TNRC6B: variants seen among roughly 807,000 people sequenced by gnomAD.
The protein encoded by TNRC6B is trinucleotide repeat-containing gene 6B protein.
A neutral mutation model predicts 203.6 loss-of-function variants in TNRC6B; 52 were observed. That is an observed-to-expected ratio of 0.26 (90% CI 0.20 to 0.32). TNRC6B has a LOEUF of 0.32. Ranked by LOEUF, TNRC6B falls within the 10% of genes least tolerant of loss-of-function variation. TNRC6B has a pLI of 1.00. For synonymous variants in TNRC6B, 838 were observed against 845.7 expected (o/e 0.99, Z 0.16); for missense variants, 1,923 against 2,286.2 (o/e 0.84, Z 3.24).
chr22:40,214,106 A>G (rs2069600423), intron 1 of TNRC6B, among the ~76,000 whole-genome samples: 1 of 152,044 alleles, frequency 6.6e-6, no homozygotes, highest in South Asian at 2.1e-4. Flanking sequence ...TCTCTACTAA[A>G]AAATATAAAA....
At chr22:40,101,689 T>C (rs974605115) in intron 1 of TNRC6B, among the ~76,000 whole-genome samples, 4 of 152,202 alleles carry the variant, frequency 2.6e-5, no homozygotes, top group African/African-American at 4.8e-5. Flanking sequence ...ACTGAGTAGA[T>C]GTGTGGGACA....
chr22:40,263,750 G>A (rs1285900716), intron 4 of TNRC6B, among the ~76,000 whole-genome samples: 2 of 152,182 alleles, frequency 1.3e-5, no homozygotes, highest in African/African-American at 4.8e-5. Context: ...GTTCCTTGGG[G>A]TTGTGAACTC....
intron 21 of TNRC6B, among the ~76,000 whole-genome samples, chr22:40,317,952 A>G (rs1182358201): frequency 6.6e-6 from 1 of 152,152 alleles, no homozygotes; most frequent in Non-Finnish European, 1.5e-5. Context: ...CATTTTCCAG[A>G]GTGTTGTCAT....
intron 1 of TNRC6B, among the ~76,000 whole-genome samples, chr22:40,216,630 A>T (rs2069638693): frequency 6.6e-6 from 1 of 152,146 alleles, no homozygotes; most frequent in African/African-American, 2.4e-5. Context: ...AAAAACAGAA[A>T]CAAAAACGCA....
At chr22:40,197,574 A>G (rs1433124733) in intron 1 of TNRC6B, among the ~76,000 whole-genome samples, 1 of 149,716 alleles carries the variant, frequency 6.7e-6, no homozygotes, top group African/African-American at 2.5e-5. Context: ...AGCATGAGCC[A>G]CCGCACCCAG....
At chr22:40,229,406 C>T (rs1332671586) in intron 1 of TNRC6B, among the ~76,000 whole-genome samples, 1 of 151,460 alleles carries the variant, frequency 6.6e-6, no homozygotes, top group Non-Finnish European at 1.5e-5. Context: ...AGGGTTCTGC[C>T]AGGGAAATGG....
intron 1 of TNRC6B, among the ~76,000 whole-genome samples, chr22:40,224,326 C>T (rs983134376): frequency 1.3e-5 from 2 of 152,166 alleles, no homozygotes; most frequent in Non-Finnish European, 2.9e-5. Context: ...ACTTTGAATA[C>T]TCTATTCCCT....
intron 1 of TNRC6B, among the ~76,000 whole-genome samples, chr22:40,227,358 C>CTTTTTT (rs71199278): frequency 1.6e-4 from 11 of 70,952 alleles, no homozygotes; most frequent in Non-Finnish European, 2.1e-4. Context: ...CTGAAATTAC[C>CTTTTTT]TTTTTTTTTT....
At chr22:40,225,943 C>A (rs1036310594) in intron 1 of TNRC6B, among the ~76,000 whole-genome samples, 2 of 151,994 alleles carry the variant, frequency 1.3e-5, no homozygotes, top group African/African-American at 4.8e-5. Flanking sequence ...TGTAACTGAT[C>A]CTGAAGAGTT....
Position 40,265,391 on chromosome 22 carries a change from C to G in TNRC6B, c.1161C>G (p.Asn387Lys), listed in dbSNP as rs767188842. The change falls in exon 5 of 23, where the codon AAC becomes AAG. Residue 387 changes from asparagine to lysine, a missense_variant. Asn to Lys is a moderately conservative substitution (Grantham distance 94). Transcript: ENST00000454349. ...NTNSLNLSSP[N>K]PMENKGMPFG... The stretch of plus-strand genomic sequence containing the variant: ...ACTCCTTGAACTTAAGTTCACCAAA[C>G]CCCATGGAGAATAAGGGAATGCCCT... The G allele has an allele frequency of 6.2e-7, 1 of 1,613,994 alleles. No individual in the cohort carries two copies. Among genetic ancestry groups the G allele is most frequent in the South Asian group, 1.1e-5 (1 of 91,090 alleles).
intron 2 of TNRC6B, among the ~76,000 whole-genome samples, chr22:40,118,633 G>A (rs1321809582): frequency 6.6e-6 from 1 of 152,156 alleles, no homozygotes; most frequent in Non-Finnish European, 1.5e-5. Flanking sequence ...GAAATTTATT[G>A]AATACATATT....
intron 1 of TNRC6B, among the ~76,000 whole-genome samples, chr22:40,093,043 C>A (rs760527284): frequency 9.9e-5 from 15 of 152,144 alleles, no homozygotes; most frequent in Non-Finnish European, 2.1e-4. Flanking sequence ...GAAAAAGAAC[C>A]ATTTCATCAG....
At chr22:40,100,002 C>T (rs1484727559) in intron 1 of TNRC6B, among the ~76,000 whole-genome samples, 2 of 152,116 alleles carry the variant, frequency 1.3e-5, no homozygotes, top group South Asian at 2.1e-4. Flanking sequence ...CCGCCCACCT[C>T]GGCCTCCCAA....
chr22:40,229,573 C>CT (rs138046), intron 1 of TNRC6B, among the ~76,000 whole-genome samples: 48,636 of 151,878 alleles, frequency 0.32, 9,564 homozygotes, highest in East Asian at 0.57. Context: ...TCACCACCCT[C>CT]TGTCTCCTCT....
At chr22:40,084,520 G>A (rs1467331620) in intron 1 of TNRC6B, among the ~76,000 whole-genome samples, 2 of 152,164 alleles carry the variant, frequency 1.3e-5, no homozygotes, top group East Asian at 1.9e-4. Flanking sequence ...AATGTCAGAC[G>A]GTGATAAGTG....
chr22:40,159,064 G>C (rs548347302), intron 4 of TNRC6B, among the ~76,000 whole-genome samples: 2 of 151,654 alleles, frequency 1.3e-5, no homozygotes, highest in Non-Finnish European at 2.9e-5. Flanking sequence ...CCGGGTTCAC[G>C]CCATTCTCCT....
At chr22:40,065,493 C>T (rs2067887901) in intron 1 of TNRC6B, among the ~76,000 whole-genome samples, 1 of 152,020 alleles carries the variant, frequency 6.6e-6, no homozygotes, top group Non-Finnish European at 1.5e-5. Context: ...TATTATAGGC[C>T]TATTCAGATT....
rs139908 is a variant in TNRC6B at position 40,301,172 on chromosome 22, T to TGCAGCAGCAGCA, written c.3973_3984dup (p.Gln1325_Gln1328dup). 4.5e-6 allele frequency: 7 copies of TGCAGCAGCAGCA among 1,545,968 alleles called. No homozygotes were observed. The highest frequency in any genetic ancestry group is 1.2e-5 in the South Asian group (1 of 83,602). On this transcript the variant is annotated inframe_insertion, in exon 15 of 23. Transcript: ENST00000454349. ...CAGCTGGCTCGAATGGTGAGTGCAC[T>TGCAGCAGCAGCA]GCAGCAGCAGCAGCAGCAGCAGCAG...
intron 1 of TNRC6B, among the ~76,000 whole-genome samples, chr22:40,245,489 A>G (rs2070093831): frequency 6.6e-6 from 1 of 152,102 alleles, no homozygotes; most frequent in Non-Finnish European, 1.5e-5. Context: ...AATATATAAA[A>G]CATATAGTAT....
Sources: gnomAD v4.1 joint callset for allele counts (sites outside exome capture counted in the v4.1 genomes callset) on GRCh38, gnomAD v4.1.1 for gene constraint, MANE v1.5 for transcripts, NCBI Gene and HGNC (gene_info 2026-07-23, HGNC 2026-07-21) for gene names.